GPR158: variants seen among roughly 807,000 people sequenced by gnomAD.
GPR158 encodes metabotropic glycine receptor.
GPR158 carries 30 observed loss-of-function variants against 78.2 expected under a neutral mutation model. That is an observed-to-expected ratio of 0.38 (90% CI 0.29 to 0.52). The LOEUF (loss-of-function observed/expected upper bound fraction) is 0.52. Among genes scored for constraint, GPR158 ranks in the 20% least tolerant of loss-of-function variants. The probability of loss-of-function intolerance (pLI) is 0.83; values close to 1 mark genes in which losing one functional copy is unlikely to be tolerated. For missense variants in GPR158, 1,463 were observed against 1,523.5 expected, an observed-to-expected ratio of 0.96 and a Z score of 0.66; for synonymous variants, 581 against 591.1, an observed-to-expected ratio of 0.98 and a Z score of 0.25.
intron 5 of GPR158, among the ~76,000 whole-genome samples, chr10:25,499,439 A>C (rs1286587588): frequency 6.6e-6 from 1 of 152,166 alleles, no homozygotes; most frequent in African/African-American, 2.4e-5. Context: ...AGAGCCTAGG[A>C]GGCTTCTTCC....
chr10:25,579,154 T>A (rs1305720442), intron 7 of GPR158, among the ~76,000 whole-genome samples: 1 of 152,106 alleles, frequency 6.6e-6, no homozygotes, highest in Non-Finnish European at 1.5e-5. Flanking sequence ...CTGTCAGATT[T>A]TTTTTTTTTT....
intron 3 of GPR158, among the ~76,000 whole-genome samples, chr10:25,399,311 G>A (rs1184657051): frequency 6.6e-6 from 1 of 152,128 alleles, no homozygotes; most frequent in Non-Finnish European, 1.5e-5. Flanking sequence ...GTGAGATTTG[G>A]GTGGGGACCC....
Position 25,356,131 on chromosome 10 carries a change from G to A in GPR158, c.1009-39780G>A, listed in dbSNP as rs577718719. On this transcript the variant is annotated intron_variant, in intron 2 of 10. Transcript: ENST00000376351. The stretch of plus-strand genomic sequence containing the variant: ...TTTCCAGTGTAGAAACTACAAATCA[G>A]GGGAAAATTTTCTTGACATTTGGTG... Among the ~76,000 whole-genome samples, 26 of 152,124 alleles carry A rather than the reference G, an allele frequency of 1.7e-4. No individual in the cohort carries two copies. In the South Asian group the frequency reaches 4.8e-3, roughly 28 times the overall value.
intron 2 of GPR158, among the ~76,000 whole-genome samples, chr10:25,375,467 T>TA (rs1834064921): frequency 6.6e-6 from 1 of 151,000 alleles, no homozygotes; most frequent in African/African-American, 2.4e-5. Flanking sequence ...TGTTTTTCTC[T>TA]TTTTTTTCTA....
chr10:25,383,726 G>A (rs897132664), intron 2 of GPR158, among the ~76,000 whole-genome samples: 3 of 152,046 alleles, frequency 2.0e-5, no homozygotes, highest in Non-Finnish European at 4.4e-5. Flanking sequence ...TGGTCCATCT[G>A]GAATACTGCC....
intron 5 of GPR158, among the ~76,000 whole-genome samples, chr10:25,521,498 A>C (rs538976806): frequency 6.6e-6 from 1 of 152,304 alleles, no homozygotes; most frequent in Non-Finnish European, 1.5e-5. Flanking sequence ...TGATTAGCTT[A>C]ATAGTTGACC....
At chr10:25,344,796 G>A (rs1315371160) in intron 2 of GPR158, among the ~76,000 whole-genome samples, 2 of 151,866 alleles carry the variant, frequency 1.3e-5, no homozygotes, top group African/African-American at 4.8e-5. Flanking sequence ...CCACAGACTG[G>A]GTAGCTTATA....
intron 2 of GPR158, among the ~76,000 whole-genome samples, chr10:25,329,006 T>G (rs1855079105): frequency 6.6e-6 from 1 of 151,858 alleles, no homozygotes; most frequent in Non-Finnish European, 1.5e-5. Context: ...TTAGTAATGT[T>G]TCTGTATATG....
intron 2 of GPR158, among the ~76,000 whole-genome samples, chr10:25,294,734 G>C (rs1854487424): frequency 1.3e-5 from 2 of 151,632 alleles, no homozygotes; most frequent in Admixed American, 1.3e-4. Context: ...TTCTAATATT[G>C]TCAAGAACCT....
At chr10:25,242,555 T>C (rs1051379731) in intron 2 of GPR158, among the ~76,000 whole-genome samples, 1 of 152,324 alleles carries the variant, frequency 6.6e-6, no homozygotes, top group African/African-American at 2.4e-5. Context: ...TAGAACTAAG[T>C]GTTAACAGAA....
chr10:25,264,123 T>A (rs1003163549), intron 2 of GPR158, among the ~76,000 whole-genome samples: 1 of 152,082 alleles, frequency 6.6e-6, no homozygotes, highest in African/African-American at 2.4e-5. Context: ...TTCCAAAGAT[T>A]CCTTCCTTTT....
intron 2 of GPR158, among the ~76,000 whole-genome samples, chr10:25,250,596 G>A (rs1320386654): frequency 6.7e-6 from 1 of 149,824 alleles, no homozygotes; most frequent in Non-Finnish European, 1.5e-5. Context: ...GGAGCAGGTT[G>A]TTCAATTTCC....
chr10:25,577,907 C>T (rs569073313), intron 7 of GPR158, among the ~76,000 whole-genome samples: 1 of 152,300 alleles, frequency 6.6e-6, no homozygotes, highest in East Asian at 1.9e-4. Context: ...GACATTGCTA[C>T]ATGGACACTG....
chr10:25,461,303 T>G (rs1478289681), intron 4 of GPR158, among the ~76,000 whole-genome samples: 1 of 152,052 alleles, frequency 6.6e-6, no homozygotes, highest in African/African-American at 2.4e-5. Flanking sequence ...AAGGAAAAAT[T>G]GATGGGAATT....
At chr10:25,516,172 T>C (rs1836169499) in intron 5 of GPR158, among the ~76,000 whole-genome samples, 3 of 152,172 alleles carry the variant, frequency 2.0e-5, no homozygotes, top group South Asian at 4.1e-4. Context: ...TGTCTTCTTT[T>C]GAGAAGTGTC....
intron 2 of GPR158, among the ~76,000 whole-genome samples, chr10:25,287,427 C>T (rs1288567864): frequency 6.6e-6 from 1 of 151,952 alleles, no homozygotes. Flanking sequence ...ATGTCCAAAG[C>T]CTTGAAGGAT....
intron 4 of GPR158, among the ~76,000 whole-genome samples, chr10:25,447,704 G>A (rs1564458206): frequency 6.6e-6 from 1 of 152,164 alleles, no homozygotes; most frequent in Non-Finnish European, 1.5e-5. Flanking sequence ...CTTGCAAATT[G>A]GTGGCACTGA....
rs1230558961 is a variant in GPR158, at chr10:25,598,017, G to A, written c.2391G>A (p.Gly797=). ...LIRKNPPESS[G]NTGKSKEETL... ...GGAAGAACCCCCCAGAGTCTTCAGG[G>A]AACACAGGGAAATCCAAGGAGGAGA... is the stretch of plus-strand genomic sequence containing the variant. Residue 797 remains glycine, a synonymous_variant, in exon 11 of 11, where the codon GGG becomes GGA. Transcript: ENST00000376351. 6.2e-7 allele frequency: 1 copy of A among 1,614,086 alleles called. No homozygotes were observed. The highest frequency in any genetic ancestry group is 1.1e-5 in the South Asian group (1 of 91,084).
At chr10:25,307,010 CACAT>C (rs1005274039) in intron 2 of GPR158, among the ~76,000 whole-genome samples, 6 of 133,210 alleles carry the variant, frequency 4.5e-5, no homozygotes, top group Non-Finnish European at 7.8e-5. Flanking sequence ...TACGCACACA[CACAT>C]ACAGAGAGAG....
Sources: allele counts gnomAD v4.1 joint callset (sites outside exome capture counted in the v4.1 genomes callset), GRCh38; gene constraint gnomAD v4.1.1; transcripts MANE v1.5; gene names NCBI Gene and HGNC (gene_info 2026-07-23, HGNC 2026-07-21).